FEM1C: variants seen among roughly 807,000 people sequenced by gnomAD.
FEM1C encodes the protein protein fem-1 homolog C.
A neutral mutation model predicts 37.6 loss-of-function variants in FEM1C; 15 were observed. The ratio of observed to expected loss-of-function variants is 0.40; its 90% CI spans 0.27 to 0.61. The LOEUF is 0.61. Among genes scored for constraint, FEM1C ranks in the 20% least tolerant of loss-of-function variants. FEM1C has a pLI of 0.42. For synonymous variants in FEM1C, 287 were observed against 272.8 expected (o/e 1.05, Z -0.51); for missense variants, 532 against 749.7 (o/e 0.71, Z 3.39).
rs1428311052 is a variant in FEM1C, at chr5:115,521,113, G to C, written c.*3195C>G. 6.6e-6 allele frequency: 1 copy of C among 150,698 alleles called. No individual in the cohort carries two copies. Among genetic ancestry groups the C allele is most frequent in the East Asian group, 1.9e-4 (1 of 5,150 alleles). The allele number at this position is 150,698 out of a possible 1,614,324, so 9.3% of individuals were successfully genotyped here. A position where few individuals can be genotyped will look rare whatever the true frequency, so the allele number is the denominator to read the frequency against. The stretch of plus-strand genomic sequence containing the variant: ...AAAAAGAAAAAGAAAAAAAGAAAAT[G>C]ATGATGACCAATTAGTTTGTTTCCT... On this transcript the variant is annotated 3_prime_UTR_variant, in exon 3 of 3. Coordinates refer to ENST00000274457, the MANE Select transcript of FEM1C (RefSeq NM_020177.3).
intron 2 of FEM1C, among the ~76,000 whole-genome samples, chr5:115,539,243 T>A (rs1387093844): frequency 6.6e-6 from 1 of 152,026 alleles, no homozygotes; most frequent in Non-Finnish European, 1.5e-5. Context: ...TCAAGAACTT[T>A]TAGCTGCTCA....
At chr5:115,539,605 T>C (rs532669516) in intron 2 of FEM1C, among the ~76,000 whole-genome samples, 73 of 152,066 alleles carry the variant, frequency 4.8e-4, no homozygotes, top group Non-Finnish European at 3.5e-4. Flanking sequence ...AGGTTATAAG[T>C]TGTTGGGGAT....
chr5:115,533,955 T>A (rs190023238), intron 2 of FEM1C, among the ~76,000 whole-genome samples: 1,849 of 151,672 alleles, frequency 0.012, 43 homozygotes, highest in African/African-American at 0.043. Context: ...AAAAAAAAAA[T>A]TTCATGATTT....
rs979089193 is a variant in FEM1C, at chr5:115,543,836, T to C, written c.-190-153A>G. 6 of 772,626 alleles carry C rather than the reference T, an allele frequency of 7.8e-6. No individual in the cohort carries two copies. The African/African-American group carries it at 1.0e-4, about 13-fold the overall frequency. 47.9% of individuals were successfully genotyped at this position (772,626 alleles called of 1,614,324 possible). A position where few individuals can be genotyped will look rare whatever the true frequency, so the allele number is the denominator to read the frequency against. On this transcript the variant is annotated intron_variant, in intron 1 of 2. Transcript: ENST00000274457. ...ACCCCCCCCACCCCCAAAGAAAAGG[T>C]GGTAAAGAAAAATACAGAAGGATAC...
At position 115,543,565 on chromosome 5, in the gene FEM1C, G is replaced by A. The variant is rs1348296965; in HGVS notation, c.-72C>T. 4.8e-5 allele frequency: 72 copies of A among 1,514,764 alleles called. No homozygotes were observed. The highest frequency in any genetic ancestry group is 5.9e-5 in the Non-Finnish European group (68 of 1,143,434). 93.8% of individuals were successfully genotyped at this position (1,514,764 alleles called of 1,614,324 possible). ...GCTCCAGTTTAACTCTATCGACACA[G>A]GCAAGAGTCACAGGAACCAAAGTCC... On this transcript the variant is annotated 5_prime_UTR_variant, in exon 2 of 3. Transcript: ENST00000274457.
At chr5:115,541,447 T>C (rs1278461623) in intron 2 of FEM1C, among the ~76,000 whole-genome samples, 3 of 152,142 alleles carry the variant, frequency 2.0e-5, no homozygotes, top group Non-Finnish European at 4.4e-5. Context: ...GCTCAGTAAC[T>C]ATATAGTGCC....
At position 115,522,955 on chromosome 5, in the gene FEM1C, GAGAGAGAA is replaced by G. The variant is rs1753806174; in HGVS notation, c.*1345_*1352del. Reference sequence around the variant, plus strand: ...TGAGTGAGTGAGTGAGAGAGAGAGAGAGAGAGAAAGAGAAAGAGAAAGAAAGAGTGAGA... The same window carrying G: ...TGAGTGAGTGAGTGAGAGAGAGAGAGAGAGAAAGAGAAAGAAAGAGTGAGA... On this transcript the variant is annotated 3_prime_UTR_variant, in exon 3 of 3. Transcript: ENST00000274457. The G allele has an allele frequency of 6.6e-6, 1 of 152,268 alleles. No homozygotes were observed. The allele number at this position is 152,268 out of a possible 1,614,324, so 9.4% of individuals were successfully genotyped here. A position where few individuals can be genotyped will look rare whatever the true frequency, so the allele number is the denominator to read the frequency against.
Position 115,543,642 on chromosome 5 carries a change from C to A in FEM1C, c.-149G>T. 1 of 1,424,042 alleles carries A rather than the reference C, an allele frequency of 7.0e-7. No homozygotes were observed. The highest frequency in any genetic ancestry group is 9.1e-7 in the Non-Finnish European group (1 of 1,095,246). The allele number at this position is 1,424,042 out of a possible 1,614,324, so 88.2% of individuals were successfully genotyped here. On this transcript the variant is annotated 5_prime_UTR_variant, in exon 2 of 3. An upstream open reading frame in the 5' UTR gains an earlier in-frame stop. Transcript: ENST00000274457. ...GATACACAACCACGAAGAGTATGTT[C>A]CGTCCTACTGCTTTCCAACATCTGA... is the stretch of plus-strand genomic sequence containing the variant.
At chr5:115,534,048 T>C (rs541060251) in intron 2 of FEM1C, among the ~76,000 whole-genome samples, 90 of 151,986 alleles carry the variant, frequency 5.9e-4, no homozygotes, top group Non-Finnish European at 1.1e-3. Context: ...TGTTAAAGCA[T>C]TTCTCTAGAA....
chr5:115,539,362 C>A (rs376730329), intron 2 of FEM1C, among the ~76,000 whole-genome samples: 1 of 151,908 alleles, frequency 6.6e-6, no homozygotes, highest in Non-Finnish European at 1.5e-5. Flanking sequence ...ACAAAAGAAC[C>A]AAAGGAGGCC....
At chr5:115,526,303 A>G (rs1272057054) in intron 2 of FEM1C, among the ~76,000 whole-genome samples, 2 of 152,154 alleles carry the variant, frequency 1.3e-5, no homozygotes, top group African/African-American at 2.4e-5. Flanking sequence ...ACTTTCCCCA[A>G]AAAGCTCTCG....
At chr5:115,537,258 CAT>C (rs1367030885) in intron 2 of FEM1C, among the ~76,000 whole-genome samples, 10 of 152,014 alleles carry the variant, frequency 6.6e-5, no homozygotes, top group Non-Finnish European at 7.4e-5. Context: ...TTCAAACAAA[CAT>C]ATTTTATCAA....
At chr5:115,529,754 C>G (rs1753977920) in intron 2 of FEM1C, among the ~76,000 whole-genome samples, 1 of 151,984 alleles carries the variant, frequency 6.6e-6, no homozygotes, top group Admixed American at 6.6e-5. Context: ...GTTCTAAGAT[C>G]TCTTTCTTGT....
At chr5:115,540,874 A>C (rs1754227633) in intron 2 of FEM1C, among the ~76,000 whole-genome samples, 1 of 152,132 alleles carries the variant, frequency 6.6e-6, no homozygotes, top group Non-Finnish European at 1.5e-5. Context: ...GAAACAAAAA[A>C]TTCAACAAAC....
Position 115,542,900 on chromosome 5 carries a change from T to C in FEM1C, c.544+50A>G, listed in dbSNP as rs1334249836. 2.6e-6 allele frequency: 4 copies of C among 1,564,324 alleles called. No individual in the cohort carries two copies. The East Asian group carries it at 9.0e-5, about 35-fold the overall frequency. Reference sequence around the variant, plus strand: ...AGTGCTTATAATGATGTATCAAACTTCCTGAAAATAAGTGGTAGACATTTA... The same window carrying C: ...AGTGCTTATAATGATGTATCAAACTCCCTGAAAATAAGTGGTAGACATTTA... On this transcript the variant is annotated intron_variant, in intron 2 of 2. Coordinates refer to ENST00000274457, the MANE Select transcript of FEM1C (RefSeq NM_020177.3).
At position 115,522,970 on chromosome 5, in the gene FEM1C, A is replaced by G. The variant is rs1753806960; in HGVS notation, c.*1338T>C. 1 of 152,376 alleles carries G rather than the reference A, an allele frequency of 6.6e-6. No individual in the cohort carries two copies. The highest frequency in any genetic ancestry group is 2.1e-4 in the South Asian group (1 of 4,820). The allele number at this position is 152,376 out of a possible 1,614,324, so 9.4% of individuals were successfully genotyped here. On this transcript the variant is annotated 3_prime_UTR_variant, in exon 3 of 3. Transcript: ENST00000274457. ...GAGAGAGAGAGAGAGAGAAAGAGAAAGAGAAAGAAAGAGTGAGAGAAAGAA... is the reference window on the plus strand; with the variant it reads ...GAGAGAGAGAGAGAGAGAAAGAGAAGGAGAAAGAAAGAGTGAGAGAAAGAA...
chr5:115,543,415 A>G lies in FEM1C; in HGVS notation c.79T>C (p.Ser27Pro), dbSNP rs1056699850. Residue 27 changes from serine to proline, a missense_variant, in exon 2 of 3, where the codon TCC becomes CCC. Transcript: ENST00000274457. ...ATCAAGGAGGAAACCTCCTCTTTGG[A>G]TTTGCTTGCCAACAATTTGGTGAGA... is the stretch of plus-strand genomic sequence containing the variant. ...RLLTKLLASK[S>P]KEEVSSLISE... is the part of the protein sequence containing the mutation. 6.8e-6 allele frequency: 11 copies of G among 1,614,082 alleles called. No homozygotes were observed.
intron 2 of FEM1C, among the ~76,000 whole-genome samples, chr5:115,540,774 T>A (rs985696490): frequency 6.6e-6 from 1 of 152,088 alleles, no homozygotes; most frequent in Non-Finnish European, 1.5e-5. Context: ...TCCAATAACA[T>A]AGGCTTTTAA....
chr5:115,527,728 C>T (rs751365424), intron 2 of FEM1C, among the ~76,000 whole-genome samples: 4 of 151,958 alleles, frequency 2.6e-5, no homozygotes, highest in Admixed American at 6.6e-5. Flanking sequence ...GCTGGCCAGG[C>T]GCGGTAGCTC....
Sources: gnomAD v4.1 joint callset for allele counts (sites outside exome capture counted in the v4.1 genomes callset) on GRCh38, gnomAD v4.1.1 for gene constraint, MANE v1.5 for transcripts, NCBI Gene and HGNC (gene_info 2026-07-23, HGNC 2026-07-21) for gene names.